DSPP: variants seen among roughly 807,000 people sequenced by gnomAD.
DSPP encodes dentin sialophosphoprotein.
Under a neutral mutation model 29.1 loss-of-function variants are expected in DSPP, and 28 were observed. The observed-to-expected ratio is 0.96, with a 90% CI of 0.71 to 1.32. The LOEUF is 1.32. DSPP is among the 40% of genes most tolerant of loss of function. DSPP has a pLI of 0.00. For synonymous variants in DSPP, 481 were observed against 503.4 expected (o/e 0.96, Z 0.60); for missense variants, 1,281 against 1,629.9 (o/e 0.79, Z 3.69).
At position 87,613,236 on chromosome 4, in the gene DSPP, A is replaced by G; in HGVS notation, c.1050A>G (p.Arg350=). Residue 350 remains arginine, a synonymous_variant, in exon 4 of 5, where the codon AGA becomes AGG. Transcript: ENST00000651931. ...RIEDTQKLNH[R]ESKRVENRIT... ...AGGACACCCAGAAGCTCAACCATAGAGAAAGCAAACGCGTAGAAAATAGAA... is the reference window on the plus strand; with the variant it reads ...AGGACACCCAGAAGCTCAACCATAGGGAAAGCAAACGCGTAGAAAATAGAA... 1 of 1,613,986 alleles carries G rather than the reference A, an allele frequency of 6.2e-7. No homozygotes were observed. Among genetic ancestry groups the G allele is most frequent in the Admixed American group, 1.7e-5 (1 of 60,022 alleles).
rs749568918 is a variant in DSPP, at chr4:87,613,283, A to G, written c.1097A>G (p.His366Arg). ...AGAATCACCAAAGAATCAGAGACAC[A>G]TGCTGTTGGGAAGAGCCAAGATAAG... ...ENRITKESET[H>R]AVGKSQDKGI... The change falls in exon 4 of 5, where the codon CAT becomes CGT. Residue 366 changes from histidine (H) to arginine (R), a missense_variant. By Grantham distance (29) the His-to-Arg change is conservative (BLOSUM62 0). Coordinates refer to ENST00000651931, the MANE Select transcript of DSPP (RefSeq NM_014208.3). 3.7e-6 allele frequency: 6 copies of G among 1,613,470 alleles called. No individual in the cohort carries two copies. The South Asian group carries it at 6.6e-5, about 18-fold the overall frequency.
intron 2 of DSPP, among the ~76,000 whole-genome samples, chr4:87,611,678 C>T (rs2126456): frequency 0.47 from 72,017 of 151,964 alleles, 17,996 homozygotes; most frequent in East Asian, 0.68. Flanking sequence ...TTGATTTTGC[C>T]TCTGTGCAGG....
At chr4:87,611,663 A>C (rs760081258) in intron 2 of DSPP, among the ~76,000 whole-genome samples, 9 of 152,186 alleles carry the variant, frequency 5.9e-5, no homozygotes, top group Non-Finnish European at 8.8e-5. Flanking sequence ...ATACTAGCGT[A>C]ATACTTGATT....
chr4:87,609,644 G>A (rs1402033841), intron 1 of DSPP, among the ~76,000 whole-genome samples: 1 of 152,112 alleles, frequency 6.6e-6, no homozygotes, highest in African/African-American at 2.4e-5. Context: ...GTGAGAAAAC[G>A]CCAGTAATTC....
Position 87,614,590 on chromosome 4 carries a change from G to A in DSPP, c.1928G>A (p.Ser643Asn), listed in dbSNP as rs1221036178. 4 of 1,551,316 alleles carry A rather than the reference G, an allele frequency of 2.6e-6. No individual in the cohort carries two copies. In the East Asian group the frequency reaches 7.3e-5, roughly 28 times the overall value. Residue 643 changes from serine (S) to asparagine (N), a missense_variant, in exon 5 of 5, where the codon AGT becomes AAT. By Grantham distance (46) the Ser-to-Asn change is conservative. This residue lies in a region of DSPP where 444 missense variants were observed against 611.4 expected (regional missense o/e 0.73). Coordinates refer to ENST00000651931, the MANE Select transcript of DSPP (RefSeq NM_014208.3). ...SSDSDSKSDS[S>N]DSNSSDSSDN... ...GATAGTGACAGTAAGTCAGACAGCA[G>A]TGACAGCAACAGCAGTGACAGTAGT...
chr4:87,614,586 A>G lies in DSPP; in HGVS notation c.1924A>G (p.Ser642Gly). Residue 642 changes from serine to glycine, a missense_variant, in exon 5 of 5, where the codon AGC becomes GGC. By Grantham distance (56) the Ser-to-Gly change is moderately conservative. This residue lies in a region of DSPP where 444 missense variants were observed against 611.4 expected (regional missense o/e 0.73). Coordinates refer to ENST00000651931, the MANE Select transcript of DSPP (RefSeq NM_014208.3). ...DSSDSDSKSD[S>G]SDSNSSDSSD... ...CAGTGATAGTGACAGTAAGTCAGAC[A>G]GCAGTGACAGCAACAGCAGTGACAG... The G allele has an allele frequency of 6.4e-7, 1 of 1,551,542 alleles. No homozygotes were observed. Among genetic ancestry groups the G allele is most frequent in the Non-Finnish European group, 8.7e-7 (1 of 1,146,836 alleles).
intron 4 of DSPP, 105 bp downstream of exon 4, chr4:87,613,413 GTATCCA>G: frequency 7.3e-7 from 1 of 1,371,682 alleles, no homozygotes; most frequent in Non-Finnish European, 1.0e-6. Flanking sequence ...ATGTATTTTT[GTATCCA>G]TATTACTTGA....
At position 87,608,570 on chromosome 4, in the gene DSPP, G is replaced by C; in HGVS notation, c.-79G>C. 6.6e-6 allele frequency: 1 copy of C among 152,166 alleles called. No individual in the cohort carries two copies. The highest frequency in any genetic ancestry group is 1.9e-4 in the East Asian group (1 of 5,190). 9.4% of individuals were successfully genotyped at this position (152,166 alleles called of 1,614,324 possible). On this transcript the variant is annotated 5_prime_UTR_variant, in exon 1 of 5. Transcript: ENST00000651931. ...CAGTGGGCCACTTTCAGTCTTCAAA[G>C]AGAAAGATAAGAAATTCTGGATTTT...
chr4:87,609,466 T>C (rs1727695502), intron 1 of DSPP, among the ~76,000 whole-genome samples: 1 of 152,186 alleles, frequency 6.6e-6, no homozygotes, highest in Non-Finnish European at 1.5e-5. Context: ...GCCTTCAACA[T>C]CTGTGCCCCA....
At chr4:87,611,947 T>C (rs540122057) in intron 2 of DSPP, among the ~76,000 whole-genome samples, 158 bp from the exon 3 acceptor site, 1 of 152,352 alleles carries the variant, frequency 6.6e-6, no homozygotes, top group Admixed American at 6.5e-5. Context: ...TTCTCTTTTC[T>C]ATCTGATTAG....
In DSPP at chr4:87,612,681, G is replaced by A. The variant is rs768654959; in HGVS notation, c.495G>A (p.Gly165=). 1.9e-5 allele frequency: 30 copies of A among 1,614,004 alleles called. No homozygotes were observed. The Admixed American group carries it at 2.3e-4, about 13-fold the overall frequency. The change falls in exon 4 of 5, where the codon GGG becomes GGA. Residue 165 remains glycine (G), a synonymous_variant. Coordinates refer to ENST00000651931, the MANE Select transcript of DSPP (RefSeq NM_014208.3). ...NGNTDKNTQN[G]DVGDAGHNED... ...ATACTGATAAGAATACCCAAAATGGGGATGTTGGCGATGCAGGTCACAATG... is the reference window on the plus strand; with the variant it reads ...ATACTGATAAGAATACCCAAAATGGAGATGTTGGCGATGCAGGTCACAATG...
intron 2 of DSPP, among the ~76,000 whole-genome samples, chr4:87,611,697 A>C (rs995688652): frequency 6.6e-6 from 1 of 152,218 alleles, no homozygotes; most frequent in Non-Finnish European, 1.5e-5. Flanking sequence ...GGCTCTGGTC[A>C]CGCCTCCTGT....
In DSPP at chr4:87,614,938, G is replaced by A. The variant is rs1374170937; in HGVS notation, c.2276G>A (p.Ser759Asn). 1.9e-6 allele frequency: 3 copies of A among 1,538,582 alleles called. No individual in the cohort carries two copies. The highest frequency in any genetic ancestry group is 2.6e-6 in the Non-Finnish European group (3 of 1,146,694). ...SSNSSDSSDS[S>N]DSSNSSDSSD... ...AACAGCAGTGACAGTAGCGATAGCA[G>A]TGACAGCAGCAACAGCAGTGACAGC... The change falls in exon 5 of 5, where the codon AGT becomes AAT. Residue 759 changes from serine (S) to asparagine (N), a missense_variant. Transcript: ENST00000651931.
At chr4:87,612,233 G>A (rs1727747980) in intron 3 of DSPP, 45 bp downstream of exon 3, 1 of 1,612,204 alleles carries the variant, frequency 6.2e-7, no homozygotes, top group African/African-American at 1.3e-5. Flanking sequence ...TTTCTGAGTT[G>A]CTACATTCCA....
At position 87,612,592 on chromosome 4, in the gene DSPP, A is replaced by T. The variant is rs1342457072; in HGVS notation, c.406A>T (p.Ile136Phe). The T allele has an allele frequency of 6.2e-7, 1 of 1,614,180 alleles. No individual in the cohort carries two copies. Among genetic ancestry groups the T allele is most frequent in the Admixed American group, 1.7e-5 (1 of 60,028 alleles). The change falls in exon 4 of 5, where the codon ATC becomes TTC. Residue 136 changes from isoleucine to phenylalanine, a missense_variant. Ile to Phe is a conservative substitution (Grantham distance 21). Transcript: ENST00000651931. Reference protein sequence around the residue: ...GKEENITANGIQGQVSIIDNA... With the variant: ...GKEENITANGFQGQVSIIDNA... ...AGAAGAAAACATCACAGCAAATGGC[A>T]TCCAGGGACAAGTAAGCATCATTGA...
In DSPP at chr4:87,612,162, C is replaced by G; in HGVS notation, c.109C>G (p.Leu37Val). The G allele has an allele frequency of 1.2e-6, 2 of 1,614,012 alleles. No homozygotes were observed. Among genetic ancestry groups the G allele is most frequent in the Non-Finnish European group, 1.7e-6 (2 of 1,179,924 alleles). ...HVEKSMNLHLLARSNVSVQDE... is the reference protein window; with the variant it reads ...HVEKSMNLHLVARSNVSVQDE... The stretch of plus-strand genomic sequence containing the variant: ...CGAAAAATCCATGAATTTGCATCTC[C>G]TAGCAAGATCAAATGTGTCAGTACA... The change falls in exon 3 of 5, where the codon CTA (leucine) becomes GTA (valine). Residue 37 changes from leucine to valine, a missense_variant. Around this residue, in one of 4 missense-constraint regions of DSPP, gnomAD observed 631 missense variants for 643.2 expected, o/e 0.98. Transcript: ENST00000651931.
At position 87,616,213 on chromosome 4, in the gene DSPP, G is replaced by A. The variant is rs1231904522; in HGVS notation, c.3551G>A (p.Ser1184Asn). ...GACAGCAGCAATAGCAGTGATAGCA[G>A]CGACAGCAGTGATAGCAGTGACAGC... ...SSDSSNSSDS[S>N]DSSDSSDSSD... Residue 1184 changes from serine to asparagine, a missense_variant, in exon 5 of 5, where the codon AGC becomes AAC. Around this residue, in one of 4 missense-constraint regions of DSPP, gnomAD observed 134 missense variants for 185.0 expected, o/e 0.72. Coordinates refer to ENST00000651931, the MANE Select transcript of DSPP (RefSeq NM_014208.3). 1 of 1,542,236 alleles carries A rather than the reference G, an allele frequency of 6.5e-7. No individual in the cohort carries two copies. The highest frequency in any genetic ancestry group is 1.4e-5 in the African/African-American group (1 of 72,152).
intron 1 of DSPP, 53 bp downstream of exon 1, chr4:87,608,673 CTT>C (rs755921050): frequency 2.0e-5 from 3 of 152,164 alleles, no homozygotes; most frequent in Non-Finnish European, 4.4e-5. Context: ...TTAGAAAGAA[CTT>C]TGAATTTCAA....
chr4:87,611,428 G>A (rs1171285821), intron 2 of DSPP, among the ~76,000 whole-genome samples: 1 of 151,898 alleles, frequency 6.6e-6, no homozygotes, highest in Non-Finnish European at 1.5e-5. Flanking sequence ...ACATATAGGA[G>A]ACTAATTTTT....
Sources: allele counts gnomAD v4.1 joint callset (sites outside exome capture counted in the v4.1 genomes callset), GRCh38; gene constraint gnomAD v4.1.1; regional missense constraint gnomAD v4.1.1; transcripts MANE v1.5; gene names NCBI Gene and HGNC (gene_info 2026-07-23, HGNC 2026-07-21).